Variants in RBPMS observed in about 807,000 individuals in gnomAD.
The protein encoded by RBPMS is RNA binding protein, mRNA processing factor.
A neutral mutation model predicts 26.8 loss-of-function variants in RBPMS; 7 were observed. That is an observed-to-expected ratio of 0.26 (90% confidence interval 0.15 to 0.49). The LOEUF is 0.49. Ranked by LOEUF, RBPMS falls within the 20% of genes least tolerant of loss-of-function variation. The pLI is 0.98. For synonymous variants in RBPMS, 96 were observed against 93.3 expected (o/e 1.03, Z -0.17); for missense variants, 186 against 250.0 (o/e 0.74, Z 1.73).
intron 5 of RBPMS, among the ~76,000 whole-genome samples, chr8:30,521,993 G>GT (rs1161056321): frequency 4.6e-5 from 7 of 152,158 alleles, no homozygotes; most frequent in Admixed American, 4.6e-4. Context: ...ACATTATGGT[G>GT]ACTGTAGTTA....
chr8:30,466,711 C>A (rs10094470), intron 1 of RBPMS, among the ~76,000 whole-genome samples: 4,240 of 151,782 alleles, frequency 0.028, 227 homozygotes, highest in African/African-American at 0.098. Flanking sequence ...TCTCCTGCCT[C>A]AGCCTTCCAA....
At chr8:30,524,289 G>C (rs536315674) in intron 5 of RBPMS, among the ~76,000 whole-genome samples, 1 of 151,894 alleles carries the variant, frequency 6.6e-6, no homozygotes, top group African/African-American at 2.4e-5. Flanking sequence ...TTATGTTAAT[G>C]TATTTCATTA....
intron 1 of RBPMS, among the ~76,000 whole-genome samples, chr8:30,411,071 A>C (rs1238877475): frequency 6.6e-6 from 1 of 152,154 alleles, no homozygotes; most frequent in Non-Finnish European, 1.5e-5. Flanking sequence ...TAATGAAGCC[A>C]CTTAATCCTC....
chr8:30,446,423 C>T (rs1813778068), intron 1 of RBPMS, among the ~76,000 whole-genome samples: 2 of 152,078 alleles, frequency 1.3e-5, no homozygotes, highest in Non-Finnish European at 2.9e-5. Context: ...TACAGGTAGA[C>T]TACTTCAGCC....
At chr8:30,514,203 G>A (rs1822041534) in intron 5 of RBPMS, among the ~76,000 whole-genome samples, 1 of 152,268 alleles carries the variant, frequency 6.6e-6, no homozygotes. Flanking sequence ...TGATAAACAG[G>A]TAAAAATTAA....
At chr8:30,392,149 G>T (rs1355326448) in intron 1 of RBPMS, among the ~76,000 whole-genome samples, 2 of 152,120 alleles carry the variant, frequency 1.3e-5, no homozygotes, top group Non-Finnish European at 2.9e-5. Context: ...TTAAAGTAGA[G>T]GTAGTTGAGT....
chr8:30,444,324 G>T (rs574885280), intron 1 of RBPMS, among the ~76,000 whole-genome samples: 1 of 152,162 alleles, frequency 6.6e-6, no homozygotes, highest in Non-Finnish European at 1.5e-5. Flanking sequence ...TACACTAAGC[G>T]GGATAAATTA....
chr8:30,549,532 C>T lies in RBPMS; in HGVS notation c.528+4908C>T, dbSNP rs1563438978. On this transcript the variant is annotated intron_variant, in intron 6 of 8. Coordinates refer to ENST00000397323, the MANE Select transcript of RBPMS (RefSeq NM_001008710.3). ...AAGGTCAGACTGTGAGGAGAAGCCA[C>T]CCCTTGAGCGCTCCGTCTCCTGATA... 2.5e-6 allele frequency: 4 copies of T among 1,614,184 alleles called. No homozygotes were observed. The Admixed American group carries it at 6.7e-5, about 27-fold the overall frequency.
intron 1 of RBPMS, among the ~76,000 whole-genome samples, chr8:30,432,675 A>G (rs1180469254): frequency 6.6e-6 from 1 of 152,234 alleles, no homozygotes; most frequent in Non-Finnish European, 1.5e-5. Context: ...TGACTAATAC[A>G]TAGTTTAAAG....
chr8:30,391,040 T>G (rs752149285), intron 1 of RBPMS, among the ~76,000 whole-genome samples: 1 of 152,192 alleles, frequency 6.6e-6, no homozygotes, highest in African/African-American at 2.4e-5. Flanking sequence ...TCCATCCCTT[T>G]GTCATTAGGA....
At chr8:30,558,654 G>A (rs952448025) in intron 6 of RBPMS, 12 of 596,910 alleles carry the variant, frequency 2.0e-5, no homozygotes, top group Admixed American at 5.3e-5. Flanking sequence ...GGCACTTCTC[G>A]AGGTGGGTGC....
chr8:30,540,134 G>GA (rs1232510181), intron 5 of RBPMS, among the ~76,000 whole-genome samples: 2 of 152,198 alleles, frequency 1.3e-5, no homozygotes, highest in Non-Finnish European at 2.9e-5. Flanking sequence ...AGAGCACACT[G>GA]AGGAGTTAAG....
chr8:30,559,073 T>A, intron 7 of RBPMS, 117 bp downstream of exon 7: 1 of 791,544 alleles, frequency 1.3e-6, no homozygotes, highest in African/African-American at 1.7e-5. Context: ...ATGCACCTCC[T>A]TTGTCCATCT....
chr8:30,424,809 T>G (rs1811174936), intron 1 of RBPMS, among the ~76,000 whole-genome samples: 1 of 152,202 alleles, frequency 6.6e-6, no homozygotes, highest in Non-Finnish European at 1.5e-5. Context: ...ACAATTTCTT[T>G]TTTGTGCTCT....
intron 4 of RBPMS, among the ~76,000 whole-genome samples, chr8:30,493,504 G>A (rs139859295): frequency 6.6e-6 from 1 of 152,088 alleles, no homozygotes. Flanking sequence ...TACCAGAGCA[G>A]TTGACCTGCT....
At chr8:30,390,286 G>C (rs1051792722) in intron 1 of RBPMS, among the ~76,000 whole-genome samples, 1 of 152,216 alleles carries the variant, frequency 6.6e-6, no homozygotes, top group African/African-American at 2.4e-5. Flanking sequence ...CTAGCGGTGA[G>C]AATCAGGTCT....
chr8:30,423,420 G>A (rs2150632189), intron 1 of RBPMS, among the ~76,000 whole-genome samples: 1 of 152,218 alleles, frequency 6.6e-6, no homozygotes, highest in South Asian at 2.1e-4. Context: ...ACCTCGGAGG[G>A]GACAGTGAGG....
At chr8:30,516,598 AG>A (rs1822334139) in intron 5 of RBPMS, among the ~76,000 whole-genome samples, 2 of 152,208 alleles carry the variant, frequency 1.3e-5, no homozygotes, top group African/African-American at 4.8e-5. Flanking sequence ...CCACAATACC[AG>A]TTCCAAATGT....
intron 4 of RBPMS, among the ~76,000 whole-genome samples, chr8:30,503,623 G>A (rs1820790043): frequency 6.6e-6 from 1 of 151,842 alleles, no homozygotes. Flanking sequence ...ATGCTTTGGA[G>A]CCCTCAGGCC....
Sources: allele counts gnomAD v4.1 joint callset (sites outside exome capture counted in the v4.1 genomes callset), GRCh38; gene constraint gnomAD v4.1.1; transcripts MANE v1.5; gene names NCBI Gene and HGNC (gene_info 2026-07-23, HGNC 2026-07-21).